Variants in SGCZ observed in about 807,000 individuals in gnomAD.
SGCZ encodes sarcoglycan zeta.
Under a neutral mutation model 41.3 loss-of-function variants are expected in SGCZ, and 40 were observed. The ratio of observed to expected loss-of-function variants is 0.97; its 90% CI spans 0.75 to 1.26. SGCZ has a LOEUF of 1.26. SGCZ is among the 50% of genes most tolerant of loss of function. SGCZ has a pLI of 0.00. For synonymous variants in SGCZ, 206 were observed against 137.5 expected (o/e 1.50, Z -3.49); for missense variants, 552 against 369.8 (o/e 1.49, Z -4.04).
intron 1 of SGCZ, among the ~76,000 whole-genome samples, chr8:15,045,122 C>T (rs1804254908): frequency 6.6e-6 from 1 of 151,706 alleles, no homozygotes; most frequent in African/African-American, 2.4e-5. Context: ...ATAAATATTA[C>T]ACTTGGGTTA....
chr8:14,593,862 C>G (rs955789310), intron 1 of SGCZ, among the ~76,000 whole-genome samples: 2 of 151,992 alleles, frequency 1.3e-5, no homozygotes, highest in Non-Finnish European at 2.9e-5. Context: ...ATCAGAATCA[C>G]CTAGGGAACT....
chr8:15,025,721 G>C (rs1803430264), intron 1 of SGCZ, among the ~76,000 whole-genome samples: 1 of 152,144 alleles, frequency 6.6e-6, no homozygotes, highest in Admixed American at 6.5e-5. Flanking sequence ...GAGAAAATTA[G>C]TCTTAGAGCA....
intron 3 of SGCZ, among the ~76,000 whole-genome samples, chr8:14,239,641 G>A (rs1165632346): frequency 2.6e-5 from 4 of 151,516 alleles, no homozygotes; most frequent in African/African-American, 4.8e-5. Flanking sequence ...ATTATTTCAC[G>A]CCTGTAATTC....
chr8:14,197,142 T>G (rs914304761), intron 4 of SGCZ, among the ~76,000 whole-genome samples: 1 of 152,226 alleles, frequency 6.6e-6, no homozygotes, highest in East Asian at 1.9e-4. Context: ...TAAAATAAAG[T>G]TTCCTAAGGA....
chr8:14,982,660 G>T (rs867136098), intron 1 of SGCZ, among the ~76,000 whole-genome samples: 1 of 152,136 alleles, frequency 6.6e-6, no homozygotes, highest in Non-Finnish European at 1.5e-5. Flanking sequence ...TAGGTAAAGC[G>T]TTAAGTGCAG....
intron 1 of SGCZ, among the ~76,000 whole-genome samples, chr8:15,126,149 A>C (rs1053989825): frequency 6.6e-6 from 1 of 152,236 alleles, no homozygotes; most frequent in Admixed American, 6.5e-5. Flanking sequence ...CCATCTCAAA[A>C]AAGCAAAACA....
At chr8:14,430,614 G>C (rs775861859) in intron 2 of SGCZ, among the ~76,000 whole-genome samples, 2 of 151,998 alleles carry the variant, frequency 1.3e-5, no homozygotes, top group African/African-American at 2.4e-5. Context: ...AGTTGAAAAC[G>C]TTCCCTCTGA....
chr8:14,418,111 C>A (rs1398262055), intron 2 of SGCZ, among the ~76,000 whole-genome samples: 4 of 151,810 alleles, frequency 2.6e-5, no homozygotes, highest in African/African-American at 9.7e-5. Flanking sequence ...AGACACACGC[C>A]CTGCCTTCAC....
At chr8:14,604,431 T>TA (rs34256196) in intron 1 of SGCZ, among the ~76,000 whole-genome samples, 22,697 of 152,100 alleles carry the variant, frequency 0.15, 1,796 homozygotes, top group South Asian at 0.21. Context: ...ATTTTTTTTT[T>TA]ATCTGTGCAC....
intron 1 of SGCZ, among the ~76,000 whole-genome samples, chr8:14,921,306 G>C (rs773600456): frequency 6.6e-6 from 1 of 152,110 alleles, no homozygotes; most frequent in Non-Finnish European, 1.5e-5. Flanking sequence ...GATTAGTATA[G>C]TGGTTAGATT....
chr8:14,264,361 C>G (rs975224238), intron 3 of SGCZ, among the ~76,000 whole-genome samples: 5 of 152,140 alleles, frequency 3.3e-5, no homozygotes, highest in Non-Finnish European at 5.9e-5. Context: ...GAGTGGAGCT[C>G]TGCAGTGCCT....
At chr8:14,496,070 T>G (rs1297056478) in intron 2 of SGCZ, among the ~76,000 whole-genome samples, 3 of 152,112 alleles carry the variant, frequency 2.0e-5, no homozygotes, top group Non-Finnish European at 4.4e-5. Flanking sequence ...TACTTATTTA[T>G]TTTCATTTCT....
intron 1 of SGCZ, among the ~76,000 whole-genome samples, chr8:14,736,531 G>T (rs1380420174): frequency 6.6e-6 from 1 of 151,956 alleles, no homozygotes. Context: ...GGTTACATGA[G>T]TAAGTTCTTC....
intron 2 of SGCZ, among the ~76,000 whole-genome samples, chr8:14,471,686 C>G (rs1363015632): frequency 6.6e-6 from 1 of 151,992 alleles, no homozygotes; most frequent in Non-Finnish European, 1.5e-5. Flanking sequence ...TTAATATTTA[C>G]TAAATATTAT....
intron 1 of SGCZ, among the ~76,000 whole-genome samples, chr8:14,910,639 C>G (rs2130776210): frequency 6.6e-6 from 1 of 151,852 alleles, no homozygotes; most frequent in African/African-American, 2.4e-5. Context: ...TTATGATGGA[C>G]ATTAACAGAA....
At chr8:14,609,337 A>C (rs1027865555) in intron 1 of SGCZ, among the ~76,000 whole-genome samples, 1 of 152,180 alleles carries the variant, frequency 6.6e-6, no homozygotes, top group Admixed American at 6.6e-5. Flanking sequence ...TTCTCTGTGG[A>C]AAATTACCTT....
chr8:14,770,065 G>A (rs1185792689), intron 1 of SGCZ, among the ~76,000 whole-genome samples: 1 of 150,500 alleles, frequency 6.6e-6, no homozygotes, highest in Non-Finnish European at 1.5e-5. Context: ...CATTTTTAAT[G>A]CCCCAATTTG....
intron 1 of SGCZ, among the ~76,000 whole-genome samples, chr8:14,565,777 A>T (rs999437509): frequency 2.0e-5 from 3 of 152,104 alleles, no homozygotes; most frequent in African/African-American, 7.2e-5. Flanking sequence ...AAGCAGAACA[A>T]GGTAATGAGA....
At chr8:15,032,713 C>T (rs1429125263) in intron 1 of SGCZ, among the ~76,000 whole-genome samples, 1 of 152,104 alleles carries the variant, frequency 6.6e-6, no homozygotes, top group African/African-American at 2.4e-5. Context: ...GCCTGGCCAA[C>T]CCCTGAACTA....
Sources: gnomAD v4.1 joint callset for allele counts (sites outside exome capture counted in the v4.1 genomes callset) on GRCh38, gnomAD v4.1.1 for gene constraint, MANE v1.5 for transcripts, NCBI Gene and HGNC (gene_info 2026-07-23, HGNC 2026-07-21) for gene names.